RMDN3: variants seen among roughly 807,000 people sequenced by gnomAD.
RMDN3 encodes regulator of microtubule dynamics protein 3.
Under a neutral mutation model 61.8 loss-of-function variants are expected in RMDN3, and 41 were observed. The observed-to-expected ratio is 0.66, with a 90% CI of 0.52 to 0.86. The LOEUF is 0.86. Ranked by LOEUF, RMDN3 falls within the 40% of genes least tolerant of loss-of-function variation. The pLI is 0.00. For synonymous variants in RMDN3, 247 were observed against 232.0 expected (o/e 1.06, Z -0.59); for missense variants, 557 against 585.3 (o/e 0.95, Z 0.50).
chr15:40,740,583 T>A (rs997733853), intron 6 of RMDN3, among the ~76,000 whole-genome samples: 1 of 151,840 alleles, frequency 6.6e-6, no homozygotes, highest in African/African-American at 2.4e-5. Context: ...GAGGCAGAGG[T>A]TGCAGTGAGC....
intron 6 of RMDN3, among the ~76,000 whole-genome samples, chr15:40,741,693 G>A (rs779953720): frequency 7.5e-6 from 1 of 134,122 alleles, no homozygotes; most frequent in Non-Finnish European, 1.5e-5. Context: ...GCAATAGCAC[G>A]ATCTAGGCTC....
intron 2 of RMDN3, 84 bp from the exon 3 acceptor site, chr15:40,752,262 G>C (rs1897862286): frequency 2.2e-6 from 3 of 1,371,584 alleles, no homozygotes; most frequent in East Asian, 4.7e-5. Context: ...AAGAATACCT[G>C]CTTTCCATTG....
In RMDN3 at chr15:40,745,252, T is replaced by C; in HGVS notation, c.532A>G (p.Thr178Ala). 6.2e-7 allele frequency: 1 copy of C among 1,613,596 alleles called. No individual in the cohort carries two copies. Among genetic ancestry groups the C allele is most frequent in the Non-Finnish European group, 8.5e-7 (1 of 1,179,890 alleles). ...TCATTGTCAGACTCCGCATTGGCTGTTGTGTAACTGGCAGAGAAATGTAAG... is the reference window on the plus strand; with the variant it reads ...TCATTGTCAGACTCCGCATTGGCTGCTGTGTAACTGGCAGAGAAATGTAAG... ...TDAESEGGYT[T>A]ANAESDNERD... The change falls in exon 5 of 13, where the codon ACA (threonine) becomes GCA (alanine). Residue 178 changes from threonine to alanine, a missense_variant. Transcript: ENST00000338376.
At chr15:40,739,854 G>C (rs1897209951) in intron 7 of RMDN3, among the ~76,000 whole-genome samples, 1 of 152,148 alleles carries the variant, frequency 6.6e-6, no homozygotes, top group South Asian at 2.1e-4. Context: ...CTCCAGTTTT[G>C]TAGCTAGGAT....
chr15:40,741,363 G>A (rs776947829), intron 6 of RMDN3, among the ~76,000 whole-genome samples: 1 of 151,876 alleles, frequency 6.6e-6, no homozygotes, highest in Admixed American at 6.6e-5. Flanking sequence ...ATTCTCAAAA[G>A]GATCCACGAT....
intron 2 of RMDN3, among the ~76,000 whole-genome samples, chr15:40,754,127 C>CTTTTTTTTTTTT (rs71428308): frequency 4.0e-5 from 5 of 123,884 alleles, no homozygotes; most frequent in African/African-American, 6.3e-5. Flanking sequence ...ACCACGACTG[C>CTTTTTTTTTTTT]TTTTTTTTTT....
At position 40,745,279 on chromosome 15, in the gene RMDN3, GACA is replaced by G. The variant is rs780996472; in HGVS notation, c.525-23_525-21del. 18 of 1,610,120 alleles carry G rather than the reference GACA, an allele frequency of 1.1e-5. No homozygotes were observed. Among genetic ancestry groups the G allele is most frequent in the South Asian group, 2.2e-5 (2 of 90,740 alleles). ...GTGTAACTGGCAGAGAAATGTAAGG[GACA>G]ACAAGAGGATTATTCAGCTCAGAGC... On this transcript the variant is annotated intron_variant, in intron 4 of 12. Coordinates refer to ENST00000338376, the MANE Select transcript of RMDN3 (RefSeq NM_018145.3).
intron 1 of RMDN3, 35 bp from the exon 2 acceptor site, chr15:40,754,825 C>CA (rs750828990): frequency 1.1e-4 from 53 of 503,338 alleles, no homozygotes; most frequent in South Asian, 2.4e-4. Flanking sequence ...AGCAGGCAGG[C>CA]GGGCGGGCGG....
In RMDN3 at chr15:40,738,357, G is replaced by A. The variant is rs145118668; in HGVS notation, c.1047+144C>T. 51 of 762,760 alleles carry A rather than the reference G, an allele frequency of 6.7e-5. No homozygotes were observed. In the African/African-American group the frequency reaches 7.7e-4, roughly 12 times the overall value. 47.2% of individuals were successfully genotyped at this position (762,760 alleles called of 1,614,324 possible). A position where few individuals can be genotyped will look rare whatever the true frequency, so the allele number is the denominator to read the frequency against. On this transcript the variant is annotated intron_variant, in intron 8 of 12. Transcript: ENST00000338376. Reference sequence around the variant, plus strand: ...AGATCACACCACTGCACTCCAGCTTGGGCGATAGAGTGAGACTCTGTCTCA... The same window carrying A: ...AGATCACACCACTGCACTCCAGCTTAGGCGATAGAGTGAGACTCTGTCTCA...
chr15:40,754,799 A>T lies in RMDN3; in HGVS notation c.-7-9T>A. 4.4e-6 allele frequency: 6 copies of T among 1,371,724 alleles called. No individual in the cohort carries two copies. Among genetic ancestry groups the T allele is most frequent in the Non-Finnish European group, 5.9e-6 (6 of 1,014,294 alleles). The allele number at this position is 1,371,724 out of a possible 1,614,324, so 85.0% of individuals were successfully genotyped here. On this transcript the variant is annotated splice_polypyrimidine_tract_variant and intron_variant, in intron 1 of 12. Transcript: ENST00000338376. ...GTCTAGACATGCTGCACCTGCGGCC[A>T]GCAGAAGTCACCGGGAGCAGGCAGG...
Position 40,751,977 on chromosome 15 carries a change from A to G in RMDN3, c.380+9T>C, listed in dbSNP as rs201491111. 3 of 1,612,216 alleles carry G rather than the reference A, an allele frequency of 1.9e-6. No individual in the cohort carries two copies. Among genetic ancestry groups the G allele is most frequent in the Non-Finnish European group, 2.5e-6 (3 of 1,179,014 alleles). ...GGGATAAAGCAGGAGAAGAAGCCGC[A>G]TTACTCACCGGACCTCCCCAACAAT... is the stretch of plus-strand genomic sequence containing the variant. On this transcript the variant is annotated intron_variant, in intron 3 of 12. Coordinates refer to ENST00000338376, the MANE Select transcript of RMDN3 (RefSeq NM_018145.3).
At chr15:40,738,399 G>T in intron 8 of RMDN3, 102 bp downstream of exon 8, 1 of 1,054,284 alleles carries the variant, frequency 9.5e-7, no homozygotes, top group Non-Finnish European at 1.4e-6. Context: ...AAGAAGAAAG[G>T]CAAGTCACTG....
Position 40,751,414 on chromosome 15 carries a change from G to A in RMDN3, c.524+12C>T, listed in dbSNP as rs746136826. ...GCTGTAGCCATAACTGCCTCCAAGA[G>A]AGACAACTCACCCCCCTTCACTCTC... On this transcript the variant is annotated intron_variant, in intron 4 of 12. Coordinates refer to ENST00000338376, the MANE Select transcript of RMDN3 (RefSeq NM_018145.3). The A allele has an allele frequency of 1.9e-6, 3 of 1,613,176 alleles. No individual in the cohort carries two copies. The highest frequency in any genetic ancestry group is 2.5e-6 in the Non-Finnish European group (3 of 1,179,190).
chr15:40,745,476 G>A (rs916292827), intron 4 of RMDN3, among the ~76,000 whole-genome samples: 3 of 144,616 alleles, frequency 2.1e-5, no homozygotes, highest in Admixed American at 7.3e-5. Context: ...GCAGTGGTTC[G>A]ATCTTGGCTC....
At position 40,751,484 on chromosome 15, in the gene RMDN3, A is replaced by G. The variant is rs1897818473; in HGVS notation, c.466T>C (p.Ser156Pro). ...RERSDSTGSS[S>P]VYFTASSGAT... ...CCCGAGGAGGCCGTGAAGTAGACAGAGCTGGAGCCAGTGGAGTCACTCCTC... is the reference window on the plus strand; with the variant it reads ...CCCGAGGAGGCCGTGAAGTAGACAGGGCTGGAGCCAGTGGAGTCACTCCTC... Residue 156 changes from serine (S) to proline (P), a missense_variant, in exon 4 of 13, where the codon TCT (serine) becomes CCT (proline). Ser to Pro is a moderately conservative substitution (Grantham distance 74, BLOSUM62 -1). Coordinates refer to ENST00000338376, the MANE Select transcript of RMDN3 (RefSeq NM_018145.3). 6.2e-7 allele frequency: 1 copy of G among 1,614,106 alleles called. No homozygotes were observed. The highest frequency in any genetic ancestry group is 1.7e-5 in the Admixed American group (1 of 59,996).
At chr15:40,745,882 C>T (rs1897521392) in intron 4 of RMDN3, among the ~76,000 whole-genome samples, 1 of 152,208 alleles carries the variant, frequency 6.6e-6, no homozygotes. Flanking sequence ...CATCCACAAA[C>T]TCGCAACCTC....
intron 2 of RMDN3, among the ~76,000 whole-genome samples, 191 bp from the exon 3 acceptor site, chr15:40,752,369 C>A (rs1413865462): frequency 6.6e-6 from 1 of 152,144 alleles, no homozygotes; most frequent in Admixed American, 6.5e-5. Context: ...AAACGAGAGC[C>A]CTCTGCTCCA....
intron 4 of RMDN3, among the ~76,000 whole-genome samples, chr15:40,746,272 T>G (rs1368194636): frequency 1.3e-5 from 2 of 151,932 alleles, no homozygotes; most frequent in East Asian, 1.9e-4. Flanking sequence ...TCCCAGCACT[T>G]TGGGAGGCCG....
At chr15:40,743,271 C>T (rs1438878197) in intron 6 of RMDN3, among the ~76,000 whole-genome samples, 1 of 152,022 alleles carries the variant, frequency 6.6e-6, no homozygotes, top group Non-Finnish European at 1.5e-5. Context: ...AAATACAAGA[C>T]TTAGTCGGGT....
Sources: gnomAD v4.1 joint callset for allele counts (sites outside exome capture counted in the v4.1 genomes callset) on GRCh38, gnomAD v4.1.1 for gene constraint, MANE v1.5 for transcripts, NCBI Gene and HGNC (gene_info 2026-07-23, HGNC 2026-07-21) for gene names.